The following FARSB variants were observed in gnomAD, a reference collection of about 807,000 sequenced individuals.
FARSB encodes phenylalanine--tRNA ligase beta subunit.
FARSB carries 40 observed loss-of-function variants against 69.6 expected under a neutral mutation model. The ratio of observed to expected loss-of-function variants is 0.57; its 90% CI spans 0.45 to 0.75. The LOEUF (loss-of-function observed/expected upper bound fraction) is 0.75. FARSB is among the 30% of genes least tolerant of loss of function. FARSB has a pLI of 0.00. For missense variants in FARSB, 632 were observed against 722.9 expected, an observed-to-expected ratio of 0.87 and a Z score of 1.44; for synonymous variants, 235 against 247.2, an observed-to-expected ratio of 0.95 and a Z score of 0.46.
rs1412621003 is a variant in FARSB at position 222,642,835 on chromosome 2, G to C, written c.269+16C>G. ...AACCCAACTTAGCAAAGTCTTTAAG[G>C]AACATATTTCCTTACCTTTCTTTGA... On this transcript the variant is annotated intron_variant, in intron 3 of 16. Transcript: ENST00000281828. 1.3e-6 allele frequency: 2 copies of C among 1,577,518 alleles called. No homozygotes were observed. The highest frequency in any genetic ancestry group is 2.7e-5 in the African/African-American group (2 of 73,314).
intron 16 of FARSB, among the ~76,000 whole-genome samples, chr2:222,580,098 A>G (rs1689929718): frequency 1.3e-5 from 2 of 151,916 alleles, no homozygotes; most frequent in South Asian, 4.1e-4. Context: ...CATTACATAT[A>G]AGTAAATATT....
At chr2:222,640,174 A>T (rs538582058) in intron 4 of FARSB, among the ~76,000 whole-genome samples, 1 of 152,362 alleles carries the variant, frequency 6.6e-6, no homozygotes, top group South Asian at 2.1e-4. Flanking sequence ...GCAAATGATC[A>T]AAGAAAATCA....
chr2:222,592,288 C>T (rs1414030220), intron 16 of FARSB, among the ~76,000 whole-genome samples: 1 of 152,154 alleles, frequency 6.6e-6, no homozygotes, highest in African/African-American at 2.4e-5. Flanking sequence ...TGTTTTCCTT[C>T]TTTCCAGCCA....
At position 222,602,614 on chromosome 2, in the gene FARSB, T is replaced by C. The variant is rs191114040; in HGVS notation, c.1463-2531A>G. Among the ~76,000 whole-genome samples the C allele has an allele frequency of 8.1e-3, 1,204 of 148,832 alleles. 14 individuals are homozygous for C. The highest frequency in any genetic ancestry group is 0.028 in the African/African-American group (1,158 of 40,940). ...CCATATTATCCAGTAATTCTACTTC[T>C]TTTTTTTTTAATTTTATTATTATTA... On this transcript the variant is annotated intron_variant, in intron 15 of 16. Coordinates refer to ENST00000281828, the MANE Select transcript of FARSB (RefSeq NM_005687.5).
intron 5 of FARSB, among the ~76,000 whole-genome samples, chr2:222,635,954 C>A (rs1691568832): frequency 6.6e-6 from 1 of 151,670 alleles, no homozygotes. Flanking sequence ...GTGCCACACA[C>A]TTGTGGTCTC....
At chr2:222,640,093 G>A (rs1232375560) in intron 4 of FARSB, among the ~76,000 whole-genome samples, 1 of 152,130 alleles carries the variant, frequency 6.6e-6, no homozygotes, top group Non-Finnish European at 1.5e-5. Context: ...CAAAGGCTTT[G>A]TTCTTTTTCA....
At chr2:222,590,313 A>G (rs2106189024) in intron 16 of FARSB, among the ~76,000 whole-genome samples, 1 of 152,270 alleles carries the variant, frequency 6.6e-6, no homozygotes, top group East Asian at 1.9e-4. Flanking sequence ...GGAATTGTAC[A>G]ATGAGAACAG....
rs927185467 is a variant in FARSB, at chr2:222,588,450, C to CAA, written c.1618+11476_1618+11477dup. ...GAAGCATTCCCTTTGAAAACTGGCA[C>CAA]AAGACAGGGATGCCCTCTCTCACCA... On this transcript the variant is annotated intron_variant, in intron 16 of 16. Transcript: ENST00000281828. Among the ~76,000 whole-genome samples the CAA allele has an allele frequency of 4.8e-4, 73 of 152,168 alleles. 1 individual carries two copies. Among genetic ancestry groups the CAA allele is most frequent in the African/African-American group, 1.7e-3 (70 of 41,422 alleles).
At chr2:222,593,753 C>A (rs1365083999) in intron 16 of FARSB, among the ~76,000 whole-genome samples, 1 of 151,820 alleles carries the variant, frequency 6.6e-6, no homozygotes, top group African/African-American at 2.4e-5. Flanking sequence ...TGCCTGTAGT[C>A]CCGGCTACAC....
At chr2:222,638,171 C>T (rs1040932916) in intron 5 of FARSB, among the ~76,000 whole-genome samples, 2 of 152,070 alleles carry the variant, frequency 1.3e-5, no homozygotes, top group African/African-American at 4.8e-5. Flanking sequence ...TAGACAATAT[C>T]GATATATCCC....
At chr2:222,632,738 CA>C (rs1691465109) in intron 7 of FARSB, among the ~76,000 whole-genome samples, 1 of 151,584 alleles carries the variant, frequency 6.6e-6, no homozygotes, top group Non-Finnish European at 1.5e-5. Flanking sequence ...CGCTTGAGCC[CA>C]GGAGTTTAAG....
At chr2:222,633,882 C>T (rs1691507703) in intron 6 of FARSB, among the ~76,000 whole-genome samples, 1 of 152,034 alleles carries the variant, frequency 6.6e-6, no homozygotes, top group Non-Finnish European at 1.5e-5. Context: ...AAACATAAAC[C>T]ATGACAAAAC....
chr2:222,568,025 T>C lies in FARSB; in HGVS notation c.*3846A>G, dbSNP rs951233929. 2.0e-5 allele frequency: 3 copies of C among 152,168 alleles called. No homozygotes were observed. The highest frequency in any genetic ancestry group is 7.2e-5 in the African/African-American group (3 of 41,444). The allele number at this position is 152,168 out of a possible 1,614,324, so 9.4% of individuals were successfully genotyped here. A position where few individuals can be genotyped will look rare whatever the true frequency, so the allele number is the denominator to read the frequency against. ...ATTAAGTGAAATGTCATGAGATATATGTAAAATAAAAAACAAAACTTGTTG... is the reference window on the plus strand; with the variant it reads ...ATTAAGTGAAATGTCATGAGATATACGTAAAATAAAAAACAAAACTTGTTG... On this transcript the variant is annotated 3_prime_UTR_variant, in exon 17 of 17. Transcript: ENST00000281828. This position sits in a 1 kb window ranked among gnomAD's most constrained non-coding sequence, Gnocchi z 4.3.
chr2:222,599,902 C>G (rs918076712), intron 16 of FARSB, 26 bp downstream of exon 16: 10 of 1,542,522 alleles, frequency 6.5e-6, no homozygotes, highest in Non-Finnish European at 8.7e-6. Flanking sequence ...CTGTCACTAA[C>G]TCTGGATTCG....
At chr2:222,618,475 A>T (rs1037530720) in intron 14 of FARSB, among the ~76,000 whole-genome samples, 1 of 152,168 alleles carries the variant, frequency 6.6e-6, no homozygotes, top group Non-Finnish European at 1.5e-5. Flanking sequence ...AGAAGACATG[A>T]TTTTCTCTAA....
intron 16 of FARSB, among the ~76,000 whole-genome samples, chr2:222,584,615 AC>A (rs1690059806): frequency 6.6e-6 from 1 of 152,186 alleles, no homozygotes; most frequent in Non-Finnish European, 1.5e-5. Context: ...GACAGACGGT[AC>A]CTGGAAAATC....
intron 16 of FARSB, among the ~76,000 whole-genome samples, chr2:222,593,068 A>T (rs1559194206): frequency 1.3e-5 from 2 of 152,122 alleles, no homozygotes; most frequent in Non-Finnish European, 2.9e-5. Context: ...TTGCAGTTTC[A>T]AGCATCCATC....
chr2:222,643,461 A>G (rs1691772323), intron 2 of FARSB, among the ~76,000 whole-genome samples: 1 of 152,240 alleles, frequency 6.6e-6, no homozygotes, highest in Non-Finnish European at 1.5e-5. Context: ...CCTTTACAGA[A>G]AAAGTTTTCC....
intron 14 of FARSB, among the ~76,000 whole-genome samples, chr2:222,618,782 C>T (rs944048597): frequency 1.3e-5 from 2 of 152,104 alleles, no homozygotes; most frequent in African/African-American, 4.8e-5. Context: ...TGGGCAATTT[C>T]AAAGTGAATG....
Sources: allele counts gnomAD v4.1 joint callset (sites outside exome capture counted in the v4.1 genomes callset), GRCh38; gene constraint gnomAD v4.1.1; non-coding constraint Gnocchi (gnomAD v3.1); transcripts MANE v1.5; gene names NCBI Gene and HGNC (gene_info 2026-07-23, HGNC 2026-07-21).